CACNA2D3: variants seen among roughly 807,000 people sequenced by gnomAD.
CACNA2D3 encodes the protein voltage-dependent calcium channel subunit alpha-2/delta-3.
CACNA2D3 carries 60 observed loss-of-function variants against 160.6 expected under a neutral mutation model. The observed-to-expected ratio is 0.37, with a 90% CI of 0.30 to 0.46. The LOEUF is 0.46. Among genes scored for constraint, CACNA2D3 ranks in the 20% least tolerant of loss-of-function variants. CACNA2D3 has a pLI of 1.00. For missense variants in CACNA2D3, 1,205 were observed against 1,365.0 expected (o/e 0.88, Z 1.85); for synonymous variants, 558 against 492.9 (o/e 1.13, Z -1.75).
At chr3:54,888,091 C>G in intron 24 of CACNA2D3, 39 bp downstream of exon 24, 1 of 1,366,932 alleles carries the variant, frequency 7.3e-7, no homozygotes, top group South Asian at 1.2e-5. Context: ...TGGCCATTTC[C>G]TCACCAACAC....
chr3:54,663,822 C>T (rs1479107685), intron 11 of CACNA2D3, among the ~76,000 whole-genome samples: 1 of 152,224 alleles, frequency 6.6e-6, no homozygotes, highest in African/African-American at 2.4e-5. Flanking sequence ...AGGGGGTCAT[C>T]TGCATGCAGT....
chr3:54,822,794 T>TTCCTTC (rs1189595944), intron 14 of CACNA2D3, among the ~76,000 whole-genome samples: 3 of 63,266 alleles, frequency 4.7e-5, no homozygotes, highest in Non-Finnish European at 9.1e-5. Flanking sequence ...TTCTTTCCTT[T>TTCCTTC]CTTTCTTTCT....
chr3:54,219,578 G>C (rs1577006708), intron 2 of CACNA2D3, among the ~76,000 whole-genome samples: 1 of 152,092 alleles, frequency 6.6e-6, no homozygotes, highest in Non-Finnish European at 1.5e-5. Context: ...GGGGATTTTT[G>C]CTCATTTCTA....
At chr3:54,557,494 C>T (rs559558691) in intron 5 of CACNA2D3, among the ~76,000 whole-genome samples, 29 of 152,260 alleles carry the variant, frequency 1.9e-4, no homozygotes, top group African/African-American at 6.0e-4. Context: ...AGTTGTCACA[C>T]TTAAGAAAAA....
At chr3:54,945,697 G>A (rs1701594953) in intron 27 of CACNA2D3, among the ~76,000 whole-genome samples, 2 of 152,204 alleles carry the variant, frequency 1.3e-5, no homozygotes, top group Admixed American at 1.3e-4. Context: ...AGGTTTGACA[G>A]TGGTTCCCTA....
chr3:54,519,465 C>T (rs11714447), intron 5 of CACNA2D3, among the ~76,000 whole-genome samples: 100,314 of 152,010 alleles, frequency 0.66, 33,353 homozygotes, highest in Non-Finnish European at 0.66. Context: ...ATAATCAAAA[C>T]CTATAGACTA....
intron 4 of CACNA2D3, among the ~76,000 whole-genome samples, chr3:54,428,657 G>T (rs748332308): frequency 1.3e-5 from 2 of 149,972 alleles, no homozygotes; most frequent in Non-Finnish European, 3.0e-5. Context: ...TGCTATCAAC[G>T]ATCTCTTTCT....
intron 9 of CACNA2D3, among the ~76,000 whole-genome samples, chr3:54,588,605 G>A (rs1702805149): frequency 6.6e-6 from 1 of 151,914 alleles, no homozygotes; most frequent in Non-Finnish European, 1.5e-5. Context: ...GCTCAGTAAG[G>A]TCACATATAC....
rs532961299 is a variant in CACNA2D3, at chr3:54,781,968, G to T, written c.1380+17617G>T. ...AGGGGGCACTATTTCTAAAGATAGA[G>T]CTCCCAAAGTACTTATTTGGGTGTT... is the stretch of plus-strand genomic sequence containing the variant. On this transcript the variant is annotated intron_variant, in intron 13 of 37. Transcript: ENST00000474759. 3.9e-5 allele frequency among the ~76,000 whole-genome samples: 6 copies of T among 152,322 alleles called. No homozygotes were observed. In the South Asian group the frequency reaches 1.2e-3, roughly 32 times the overall value.
intron 4 of CACNA2D3, among the ~76,000 whole-genome samples, chr3:54,422,280 A>G (rs1030208654): frequency 2.0e-5 from 3 of 152,198 alleles, no homozygotes; most frequent in Non-Finnish European, 4.4e-5. Flanking sequence ...GCAATAGCAA[A>G]TTGGAGTTTG....
At chr3:54,626,493 G>A (rs900106199) in intron 9 of CACNA2D3, 24 of 1,607,502 alleles carry the variant, frequency 1.5e-5, no homozygotes, top group African/African-American at 2.7e-5. Flanking sequence ...GCAGCATGGT[G>A]GGCGTCTACA....
intron 27 of CACNA2D3, among the ~76,000 whole-genome samples, chr3:54,914,084 T>C (rs187736393): frequency 4.2e-4 from 64 of 152,348 alleles, no homozygotes; most frequent in African/African-American, 1.4e-3. Context: ...GTGTTATCTA[T>C]GCTAACCCCA....
At chr3:54,536,785 TCTCA>T (rs1410158568) in intron 5 of CACNA2D3, among the ~76,000 whole-genome samples, 1 of 152,204 alleles carries the variant, frequency 6.6e-6, no homozygotes, top group Non-Finnish European at 1.5e-5. Context: ...TGTCTCTTTC[TCTCA>T]CTCTGATAGA....
intron 10 of CACNA2D3, among the ~76,000 whole-genome samples, chr3:54,640,148 G>A (rs966271640): frequency 6.6e-5 from 10 of 152,210 alleles, no homozygotes; most frequent in Admixed American, 1.3e-4. Flanking sequence ...CCATCTGGGC[G>A]TGTACGTGCA....
At chr3:54,205,846 T>A (rs2107355731) in intron 2 of CACNA2D3, among the ~76,000 whole-genome samples, 1 of 152,122 alleles carries the variant, frequency 6.6e-6, no homozygotes, top group East Asian at 1.9e-4. Context: ...TATGTTAGGG[T>A]TGCCAGATAA....
rs572299499 is a variant in CACNA2D3 at position 54,951,295 on chromosome 3, A to C, written c.2450-17155A>C. ...AAATCCTGCCAGATACCTCTGTAAT[A>C]GCCAAGCCGCAGACAAGATAAAGAA... On this transcript the variant is annotated intron_variant, in intron 27 of 37. Coordinates refer to ENST00000474759, the MANE Select transcript of CACNA2D3 (RefSeq NM_018398.3). Among the ~76,000 whole-genome samples, 60 of 152,340 alleles carry C rather than the reference A, an allele frequency of 3.9e-4. No individual in the cohort carries two copies. The South Asian group carries it at 0.012, about 30-fold the overall frequency.
chr3:54,227,107 T>C (rs1701687006), intron 2 of CACNA2D3, among the ~76,000 whole-genome samples: 1 of 152,196 alleles, frequency 6.6e-6, no homozygotes, highest in Admixed American at 6.5e-5. Context: ...TGGCAGAACA[T>C]GTTGATACGT....
chr3:54,525,753 A>G (rs138351749), intron 5 of CACNA2D3, among the ~76,000 whole-genome samples: 444 of 149,682 alleles, frequency 3.0e-3, no homozygotes, highest in South Asian at 0.012. Flanking sequence ...TCTGCTTTCA[A>G]TATTTTTTCC....
intron 17 of CACNA2D3, among the ~76,000 whole-genome samples, chr3:54,867,062 A>G (rs1340453288): frequency 6.6e-6 from 1 of 152,230 alleles, no homozygotes; most frequent in Non-Finnish European, 1.5e-5. Flanking sequence ...CAATTAGTTA[A>G]TCACATTTTC....
Sources: allele counts gnomAD v4.1 joint callset (sites outside exome capture counted in the v4.1 genomes callset), GRCh38; gene constraint gnomAD v4.1.1; transcripts MANE v1.5; gene names NCBI Gene and HGNC (gene_info 2026-07-23, HGNC 2026-07-21).